Variants in CCDC141 observed in about 807,000 individuals in gnomAD.
The protein encoded by CCDC141 is coiled-coil domain-containing protein 141.
In CCDC141, 168 loss-of-function variants were observed where a neutral mutation model predicts 181.0. That is an observed-to-expected ratio of 0.93 (90% confidence interval 0.82 to 1.05). CCDC141 has a LOEUF of 1.05. Ranked by LOEUF, CCDC141 falls within the 50% of genes least tolerant of loss-of-function variation. The probability of loss-of-function intolerance (pLI) is 0.00; values close to 1 mark genes in which losing one functional copy is unlikely to be tolerated. For synonymous variants in CCDC141, 666 were observed against 642.3 expected, an observed-to-expected ratio of 1.04 and a Z score of -0.56; for missense variants, 1,902 against 1,788.5, an observed-to-expected ratio of 1.06 and a Z score of -1.14.
chr2:178,863,981 C>A (rs184536520), intron 17 of CCDC141, among the ~76,000 whole-genome samples: 1 of 152,306 alleles, frequency 6.6e-6, no homozygotes, highest in African/African-American at 2.4e-5. Flanking sequence ...ACAGTCTCAT[C>A]ATGAGGCAGT....
chr2:179,015,081 T>TACATATATATATTATATATATAATC (rs2042397421), intron 2 of CCDC141, among the ~76,000 whole-genome samples: 1 of 36,048 alleles, frequency 2.8e-5, no homozygotes, highest in Non-Finnish European at 7.4e-5. Context: ...TATATATATA[T>TACATATATATATTATATATATAATC]ATATATATAT....
At chr2:178,872,392 G>T in intron 12 of CCDC141, 80 bp from the exon 13 acceptor site, 1 of 1,293,752 alleles carries the variant, frequency 7.7e-7, no homozygotes. Context: ...ATTTTACGAG[G>T]CAAATTCTTT....
chr2:179,049,927 T>C lies in CCDC141; in HGVS notation c.15A>G (p.Gly5=), dbSNP rs1305239127. The change falls in exon 1 of 24, where the codon GGA becomes GGG. Residue 5 remains glycine, a synonymous_variant. Transcript: ENST00000443758. MSSQ[G]SPSVALSTTT... The stretch of plus-strand genomic sequence containing the variant: ...TCGTAGAAAGCGCAACACTAGGACT[T>C]CCTTGGCTGGACATGGTACTTTAGA... 4 of 1,550,566 alleles carry C rather than the reference T, an allele frequency of 2.6e-6. No individual in the cohort carries two copies. The Admixed American group carries it at 7.8e-5, about 30-fold the overall frequency.
chr2:178,931,498 G>A (rs1021504259), intron 6 of CCDC141, among the ~76,000 whole-genome samples: 2 of 152,130 alleles, frequency 1.3e-5, no homozygotes, highest in Non-Finnish European at 2.9e-5. Flanking sequence ...CCATAAAAAG[G>A]AAGTTTTAAT....
intron 17 of CCDC141, among the ~76,000 whole-genome samples, chr2:178,858,672 G>GA (rs1192081363): frequency 6.6e-6 from 1 of 151,672 alleles, no homozygotes; most frequent in Non-Finnish European, 1.5e-5. Flanking sequence ...AAAATAAAGG[G>GA]AAAAAATGCC....
chr2:178,918,164 T>C (rs1268156375), intron 7 of CCDC141, among the ~76,000 whole-genome samples: 1 of 151,964 alleles, frequency 6.6e-6, no homozygotes, highest in Non-Finnish European at 1.5e-5. Flanking sequence ...AATTTCAATA[T>C]TTTGGGAGGC....
Position 178,845,623 on chromosome 2 carries a change from T to C in CCDC141, c.3474+3A>G, listed in dbSNP as rs1301883695. On this transcript the variant is annotated splice_donor_region_variant and intron_variant, in intron 22 of 23. Transcript: ENST00000443758. ...ATAGCTGAGGTTAAGTAGTTTTCTT[T>C]ACCTTATTCCTTTCTTCATTGAATA... 2.0e-6 allele frequency: 3 copies of C among 1,524,938 alleles called. No homozygotes were observed. In the African/African-American group the frequency reaches 4.1e-5, roughly 21 times the overall value. The allele number at this position is 1,524,938 out of a possible 1,614,324, so 94.5% of individuals were successfully genotyped here. A position where few individuals can be genotyped will look rare whatever the true frequency, so the allele number is the denominator to read the frequency against.
rs2043627896 is a variant in CCDC141, at chr2:179,049,985, A to T, written c.-44T>A. On this transcript the variant is annotated 5_prime_UTR_variant, in exon 1 of 24. Transcript: ENST00000443758. ...TTTATACTTTGGGCAGCCTCTGGAC[A>T]GTTGTGTGTCTGCTGGTCATTTCAG... 2 of 1,549,256 alleles carry T rather than the reference A, an allele frequency of 1.3e-6. No homozygotes were observed. The highest frequency in any genetic ancestry group is 2.0e-5 in the Admixed American group (1 of 50,906).
chr2:178,988,080 CAAT>C (rs1167544468), intron 2 of CCDC141, among the ~76,000 whole-genome samples: 2 of 151,958 alleles, frequency 1.3e-5, no homozygotes, highest in Non-Finnish European at 2.9e-5. Flanking sequence ...AGATGTCCAA[CAAT>C]GATAGACTGG....
At chr2:179,006,210 G>A (rs2042119720) in intron 2 of CCDC141, among the ~76,000 whole-genome samples, 1 of 152,132 alleles carries the variant, frequency 6.6e-6, no homozygotes, top group Non-Finnish European at 1.5e-5. Context: ...GCATTTCATT[G>A]GCAGATAATA....
chr2:178,908,278 T>G (rs896250423), intron 7 of CCDC141, among the ~76,000 whole-genome samples: 6 of 152,172 alleles, frequency 3.9e-5, no homozygotes, highest in Non-Finnish European at 8.8e-5. Context: ...CACTGCAACC[T>G]CCGCCTCCTG....
At chr2:178,914,628 T>A (rs1688362573) in intron 7 of CCDC141, among the ~76,000 whole-genome samples, 1 of 152,198 alleles carries the variant, frequency 6.6e-6, no homozygotes, top group Admixed American at 6.5e-5. Flanking sequence ...GTTGTCAATG[T>A]GGGCAATTAA....
intron 8 of CCDC141, among the ~76,000 whole-genome samples, chr2:178,893,072 A>C (rs1362989253): frequency 6.6e-6 from 1 of 152,164 alleles, no homozygotes; most frequent in Non-Finnish European, 1.5e-5. Context: ...GCGGTAGATC[A>C]GATTATTCCT....
chr2:178,942,480 T>C (rs984354504), intron 6 of CCDC141, among the ~76,000 whole-genome samples: 1 of 152,024 alleles, frequency 6.6e-6, no homozygotes, highest in Admixed American at 6.6e-5. Flanking sequence ...AGATCAGTGG[T>C]TGTCAGGAGT....
chr2:178,898,170 A>G (rs1215381797), intron 8 of CCDC141, among the ~76,000 whole-genome samples: 3 of 152,218 alleles, frequency 2.0e-5, no homozygotes. Flanking sequence ...TGTATGTTTC[A>G]TAAGACTGGG....
chr2:179,005,313 T>TA (rs1233698618), intron 2 of CCDC141, among the ~76,000 whole-genome samples: 11 of 38,040 alleles, frequency 2.9e-4, no homozygotes, highest in Admixed American at 8.3e-4. Flanking sequence ...TTTGGAGAAT[T>TA]TAAAAAAAAA....
intron 20 of CCDC141, among the ~76,000 whole-genome samples, chr2:178,852,171 G>A (rs1685192693): frequency 6.6e-6 from 1 of 152,164 alleles, no homozygotes; most frequent in Non-Finnish European, 1.5e-5. Flanking sequence ...AATGTCAGTT[G>A]GTGATAAGTG....
At chr2:178,827,888 C>G (rs1336127555), downstream of CCDC141, among the ~76,000 whole-genome samples, 1 of 152,194 alleles carries the variant, frequency 6.6e-6, no homozygotes, top group Admixed American at 6.5e-5. Flanking sequence ...AAAGTCTAAG[C>G]CAAAACAAGC....
intron 2 of CCDC141, among the ~76,000 whole-genome samples, chr2:179,032,928 A>T (rs954630821): frequency 6.6e-6 from 1 of 151,182 alleles, no homozygotes; most frequent in South Asian, 2.1e-4. Flanking sequence ...CATGAGAATG[A>T]CATAGCCATG....
Sources: allele counts gnomAD v4.1 joint callset (sites outside exome capture counted in the v4.1 genomes callset), GRCh38; gene constraint gnomAD v4.1.1; transcripts MANE v1.5; gene names NCBI Gene and HGNC (gene_info 2026-07-23, HGNC 2026-07-21).